The following SLC1A2 variants were observed in gnomAD, a reference collection of about 807,000 sequenced individuals.
SLC1A2 encodes the protein solute carrier family 1 member 2.
SLC1A2 carries 15 observed loss-of-function variants against 48.8 expected under a neutral mutation model. The observed-to-expected ratio is 0.31, with a 90% CI of 0.21 to 0.47. The LOEUF (loss-of-function observed/expected upper bound fraction) is 0.47. Among genes scored for constraint, SLC1A2 ranks in the 20% least tolerant of loss-of-function variants. The pLI is 0.99. For synonymous variants in SLC1A2, 279 were observed against 272.6 expected (o/e 1.02, Z -0.23); for missense variants, 502 against 730.5 (o/e 0.69, Z 3.61).
intron 6 of SLC1A2, among the ~76,000 whole-genome samples, chr11:35,292,972 T>C (rs1408312750): frequency 1.5e-5 from 2 of 132,458 alleles, no homozygotes. Context: ...AGGGAATATA[T>C]TGAAATGAGA....
At chr11:35,417,006 G>C (rs2135310701) in intron 1 of SLC1A2, among the ~76,000 whole-genome samples, 1 of 152,312 alleles carries the variant, frequency 6.6e-6, no homozygotes. Flanking sequence ...GAAAAGAAGA[G>C]AAGAAGAAAG....
At chr11:35,359,639 C>T (rs1056419371) in intron 1 of SLC1A2, among the ~76,000 whole-genome samples, 1 of 152,218 alleles carries the variant, frequency 6.6e-6, no homozygotes, top group African/African-American at 2.4e-5. Context: ...ATAAAAATAA[C>T]TCTGGTTCTT....
chr11:35,380,835 T>C (rs909095759), intron 1 of SLC1A2, among the ~76,000 whole-genome samples: 5 of 152,192 alleles, frequency 3.3e-5, no homozygotes, highest in African/African-American at 1.2e-4. Flanking sequence ...GAAGCTGAGC[T>C]GCACTGGATG....
intron 3 of SLC1A2, among the ~76,000 whole-genome samples, chr11:35,314,404 AG>A (rs142566746): frequency 0.013 from 1,981 of 152,292 alleles, 53 homozygotes; most frequent in African/African-American, 0.045. Context: ...TAATTTAGAA[AG>A]GGGAGAAAAG....
intron 6 of SLC1A2, among the ~76,000 whole-genome samples, chr11:35,296,296 A>G (rs368308523): frequency 2.6e-5 from 4 of 152,198 alleles, no homozygotes; most frequent in African/African-American, 9.7e-5. Flanking sequence ...ACACGTTTCC[A>G]ATAGCTTGTC....
chr11:35,282,878 G>A (rs910924846), intron 8 of SLC1A2, among the ~76,000 whole-genome samples: 2 of 152,164 alleles, frequency 1.3e-5, no homozygotes, highest in African/African-American at 4.8e-5. Context: ...GGTAGGCACT[G>A]TCTCTGTGTG....
At chr11:35,393,539 T>G (rs1259233295) in intron 1 of SLC1A2, among the ~76,000 whole-genome samples, 1 of 152,166 alleles carries the variant, frequency 6.6e-6, no homozygotes, top group African/African-American at 2.4e-5. Context: ...CACCCCCCTC[T>G]TCACTTCTTT....
At chr11:35,379,235 A>T (rs192252287) in intron 1 of SLC1A2, among the ~76,000 whole-genome samples, 27 of 152,320 alleles carry the variant, frequency 1.8e-4, no homozygotes, top group African/African-American at 6.5e-4. Flanking sequence ...GTCTCAAAAA[A>T]AAAGAAAAAT....
At chr11:35,261,688 CA>C (rs1436092934) in intron 10 of SLC1A2, 11 of 398,584 alleles carry the variant, frequency 2.8e-5, no homozygotes, top group African/African-American at 1.6e-4. Flanking sequence ...TGTCTGTCCT[CA>C]ACGTCATGTG....
At chr11:35,323,305 G>A (rs115257704) in intron 1 of SLC1A2, 3,462 of 157,870 alleles carry the variant, frequency 0.022, 118 homozygotes, top group African/African-American at 0.078. Flanking sequence ...ATTCCAGGAC[G>A]GCTGCTAAAT....
intron 1 of SLC1A2, among the ~76,000 whole-genome samples, chr11:35,364,467 G>A (rs184945482): frequency 9.3e-4 from 142 of 152,294 alleles, no homozygotes; most frequent in African/African-American, 3.3e-3. Context: ...TAGCTACACT[G>A]GCTCTAATCA....
chr11:35,260,782 A>C lies in SLC1A2; in HGVS notation c.*112T>G. ...CTAAGCCTCGGCTAACAGATTAAGT[A>C]AACATAGAAATATACGCATTTTTTT... On this transcript the variant is annotated 3_prime_UTR_variant, in exon 11 of 11. Transcript: ENST00000278379. 1.3e-6 allele frequency: 1 copy of C among 798,814 alleles called. No homozygotes were observed. The highest frequency in any genetic ancestry group is 2.1e-6 in the Non-Finnish European group (1 of 467,298). The allele number at this position is 798,814 out of a possible 1,614,324, so 49.5% of individuals were successfully genotyped here.
At chr11:35,365,743 C>A (rs1435375284) in intron 1 of SLC1A2, among the ~76,000 whole-genome samples, 1 of 152,174 alleles carries the variant, frequency 6.6e-6, no homozygotes, top group Non-Finnish European at 1.5e-5. Flanking sequence ...ATATGTCTGT[C>A]TGTCTGTCTC....
rs147534073 is a variant in SLC1A2, at chr11:35,332,053, A to G, written c.18-14537T>C. 4.0e-3 allele frequency among the ~76,000 whole-genome samples: 609 copies of G among 152,286 alleles called. 5 individuals are homozygous for G. The highest frequency in any genetic ancestry group is 0.014 in the African/African-American group (588 of 41,552). On this transcript the variant is annotated intron_variant, in intron 1 of 10. Coordinates refer to ENST00000278379, the MANE Select transcript of SLC1A2 (RefSeq NM_004171.4). ...GACCTTATCAGCTTAAGCATCTCCCATGGAGATGGCTTTGGACAGAAGCCT... is the reference window on the plus strand; with the variant it reads ...GACCTTATCAGCTTAAGCATCTCCCGTGGAGATGGCTTTGGACAGAAGCCT...
At chr11:35,352,106 G>T (rs1023102914) in intron 1 of SLC1A2, 1 of 152,096 alleles carries the variant, frequency 6.6e-6, no homozygotes, top group Non-Finnish European at 1.5e-5. Flanking sequence ...TTTATGATCA[G>T]AAACAAAGTT....
At chr11:35,274,411 T>A (rs1012451865) in intron 9 of SLC1A2, among the ~76,000 whole-genome samples, 1 of 152,020 alleles carries the variant, frequency 6.6e-6, no homozygotes, top group South Asian at 2.1e-4. Flanking sequence ...AGACCGGAGA[T>A]AAGATGTAAA....
At chr11:35,311,474 T>A (rs186327768) in intron 4 of SLC1A2, among the ~76,000 whole-genome samples, 2 of 152,290 alleles carry the variant, frequency 1.3e-5, no homozygotes, top group East Asian at 3.9e-4. Context: ...TTGAATTCTT[T>A]TAAAGATTAT....
intron 1 of SLC1A2, among the ~76,000 whole-genome samples, chr11:35,403,674 T>C (rs1314719021): frequency 2.0e-5 from 3 of 152,178 alleles, no homozygotes; most frequent in Non-Finnish European, 4.4e-5. Context: ...CCTATGTTTA[T>C]GCCCAAATAA....
chr11:35,325,328 G>A (rs1852204901), intron 1 of SLC1A2, among the ~76,000 whole-genome samples: 2 of 152,168 alleles, frequency 1.3e-5, no homozygotes, highest in Non-Finnish European at 2.9e-5. Flanking sequence ...CTTTGTAGAT[G>A]CAGTTTACCA....
Sources: allele counts gnomAD v4.1 joint callset (sites outside exome capture counted in the v4.1 genomes callset), GRCh38; gene constraint gnomAD v4.1.1; transcripts MANE v1.5; gene names NCBI Gene and HGNC (gene_info 2026-07-23, HGNC 2026-07-21).